NUP160: variants seen among roughly 807,000 people sequenced by gnomAD.
NUP160 encodes the protein nucleoporin 160.
Under a neutral mutation model 196.9 loss-of-function variants are expected in NUP160, and 94 were observed. The observed-to-expected ratio is 0.48, with a 90% CI of 0.40 to 0.57. The LOEUF (loss-of-function observed/expected upper bound fraction) is 0.57. Ranked by LOEUF, NUP160 falls within the 20% of genes least tolerant of loss-of-function variation. NUP160 has a pLI of 0.00. For synonymous variants in NUP160, 605 were observed against 619.7 expected (o/e 0.98, Z 0.35); for missense variants, 1,638 against 1,748.3 (o/e 0.94, Z 1.13).
intron 2 of NUP160, among the ~76,000 whole-genome samples, chr11:47,845,541 G>A (rs1442693594): frequency 1.3e-5 from 2 of 152,070 alleles, no homozygotes; most frequent in South Asian, 2.1e-4. Flanking sequence ...GGTCTGGATC[G>A]GCACCCTTTT....
At chr11:47,782,305 TA>T (rs1182971378) in intron 34 of NUP160, among the ~76,000 whole-genome samples, 5 of 10,556 alleles carry the variant, frequency 4.7e-4, no homozygotes, top group African/African-American at 2.6e-3. Flanking sequence ...AAAAAAAAAA[TA>T]TATATATATA....
intron 2 of NUP160, among the ~76,000 whole-genome samples, chr11:47,843,757 G>GA (rs1317318147): frequency 6.6e-6 from 1 of 152,192 alleles, no homozygotes; most frequent in African/African-American, 2.4e-5. Flanking sequence ...TGCAGAAGGT[G>GA]AAAAATCCTA....
At chr11:47,780,261 C>T (rs1175011136) in intron 35 of NUP160, 82 bp downstream of exon 35, 30 of 989,670 alleles carry the variant, frequency 3.0e-5, no homozygotes, top group South Asian at 5.2e-5. Context: ...TTTCTAATCC[C>T]GGAGAACTGA....
intron 7 of NUP160, among the ~76,000 whole-genome samples, chr11:47,824,597 G>A (rs889927983): frequency 1.3e-5 from 2 of 151,506 alleles, no homozygotes; most frequent in African/African-American, 4.8e-5. Flanking sequence ...GCAACAGAGC[G>A]ACTCTATCTC....
At chr11:47,838,790 GGT>G (rs1399249962) in intron 4 of NUP160, among the ~76,000 whole-genome samples, 1 of 152,100 alleles carries the variant, frequency 6.6e-6, no homozygotes, top group Admixed American at 6.5e-5. Flanking sequence ...CAGATCACAA[GGT>G]CAGGAGTTCG....
At chr11:47,829,574 T>C (rs921127034) in intron 7 of NUP160, among the ~76,000 whole-genome samples, 1 of 152,182 alleles carries the variant, frequency 6.6e-6, no homozygotes, top group Non-Finnish European at 1.5e-5. Context: ...CCCAAAGTGC[T>C]AGGATTACAG....
chr11:47,801,701 C>T, intron 23 of NUP160, 110 bp downstream of exon 23: 1 of 1,045,130 alleles, frequency 9.6e-7, no homozygotes, highest in Admixed American at 2.5e-5. Context: ...TTTGGAAGTT[C>T]AGGGAGCAAC....
chr11:47,832,994 G>T (rs1249812123), intron 7 of NUP160, among the ~76,000 whole-genome samples: 2 of 149,294 alleles, frequency 1.3e-5, no homozygotes, highest in African/African-American at 2.5e-5. Context: ...AAGAAATGGG[G>T]GAAGGGAAGA....
At position 47,786,577 on chromosome 11, in the gene NUP160, C is replaced by G. The variant is rs771412103; in HGVS notation, c.3747-23G>C. ...CATCTGGAATGAAAATGGTTCCACA[C>G]TTGAAAACTGAACGCTGAAACGTAC... On this transcript the variant is annotated intron_variant, in intron 31 of 35. Transcript: ENST00000378460. 3 of 1,466,214 alleles carry G rather than the reference C, an allele frequency of 2.0e-6. No individual in the cohort carries two copies. In the South Asian group the frequency reaches 3.4e-5, roughly 17 times the overall value. The allele number at this position is 1,466,214 out of a possible 1,614,324, so 90.8% of individuals were successfully genotyped here.
At chr11:47,826,303 T>A (rs187532764) in intron 7 of NUP160, among the ~76,000 whole-genome samples, 1 of 152,088 alleles carries the variant, frequency 6.6e-6, no homozygotes, top group Non-Finnish European at 1.5e-5. Context: ...AAAAAAGAAA[T>A]AAAATACTAT....
At chr11:47,829,968 C>T (rs1162126743) in intron 7 of NUP160, among the ~76,000 whole-genome samples, 1 of 152,196 alleles carries the variant, frequency 6.6e-6, no homozygotes, top group East Asian at 1.9e-4. Context: ...GCAAACTATG[C>T]ATCTGACGAG....
In NUP160 at chr11:47,806,237, G is replaced by A. The variant is rs1322371234; in HGVS notation, c.2522C>T (p.Ser841Phe). 3 of 1,613,668 alleles carry A rather than the reference G, an allele frequency of 1.9e-6. No homozygotes were observed. In the African/African-American group the frequency reaches 4.0e-5, roughly 22 times the overall value. The change falls in exon 20 of 36, where the codon TCT becomes TTT. Residue 841 changes from serine to phenylalanine, a missense_variant. By Grantham distance (155) the Ser-to-Phe change is radical. This residue lies in a region of NUP160 where 1,345 missense variants were observed against 1,470.2 expected (regional missense o/e 0.91). Transcript: ENST00000378460. ...TTGGCTCAGAGGTGCCTTTGGCTGA[G>A]AGAAGAGGTGAGATATAATGTGTTT...
intron 29 of NUP160, among the ~76,000 whole-genome samples, chr11:47,790,716 T>TG: frequency 1.3e-5 from 2 of 152,308 alleles, no homozygotes; most frequent in South Asian, 4.1e-4. Flanking sequence ...ATTGTGCCAC[T>TG]GCATTGCAGC....
At chr11:47,798,626 C>T (rs927320712) in intron 23 of NUP160, among the ~76,000 whole-genome samples, 163 bp from the exon 24 acceptor site, 10 of 151,966 alleles carry the variant, frequency 6.6e-5, no homozygotes, top group African/African-American at 2.4e-4. Flanking sequence ...TTGCTCAAGG[C>T]CAGCCTGGGC....
At chr11:47,837,033 C>T in intron 5 of NUP160, 32 bp from the exon 6 acceptor site, 1 of 1,228,270 alleles carries the variant, frequency 8.1e-7, no homozygotes, top group Non-Finnish European at 1.2e-6. Context: ...TAGAGTTTTA[C>T]TGCTGCAAAG....
intron 33 of NUP160, among the ~76,000 whole-genome samples, chr11:47,783,633 A>G (rs2097662775): frequency 6.6e-6 from 1 of 152,214 alleles, no homozygotes; most frequent in Non-Finnish European, 1.5e-5. Flanking sequence ...TGAAGTCTCT[A>G]TTTGGAAGAG....
At chr11:47,847,549 CAT>C (rs1398122695) in intron 2 of NUP160, among the ~76,000 whole-genome samples, 1 of 147,756 alleles carries the variant, frequency 6.8e-6, no homozygotes, top group Non-Finnish European at 1.5e-5. Context: ...ACTATAAAAA[CAT>C]AACGGGTTCA....
exon 19 of NUP160, chr11:47,807,125 T>C (rs768639554): frequency 1.2e-6 from 2 of 1,610,870 alleles, no homozygotes; most frequent in Non-Finnish European, 1.7e-6. Context: ...CTGATAAGTG[T>C]TGGAGATTAG....
chr11:47,790,266 G>T (rs2097667148), intron 29 of NUP160, among the ~76,000 whole-genome samples: 2 of 149,942 alleles, frequency 1.3e-5, no homozygotes, highest in Admixed American at 1.3e-4. Context: ...ACTCTTGGTT[G>T]TGGTTGTTTT....
Sources: allele counts gnomAD v4.1 joint callset (sites outside exome capture counted in the v4.1 genomes callset), GRCh38; gene constraint gnomAD v4.1.1; regional missense constraint gnomAD v4.1.1; transcripts MANE v1.5; gene names NCBI Gene and HGNC (gene_info 2026-07-23, HGNC 2026-07-21).